Variants in CTNNA2 observed in about 807,000 individuals in gnomAD.
CTNNA2 encodes catenin alpha-2.
Under a neutral mutation model 101.0 loss-of-function variants are expected in CTNNA2, and 42 were observed. The observed-to-expected ratio is 0.42, with a 90% CI of 0.32 to 0.54. The LOEUF (loss-of-function observed/expected upper bound fraction) is 0.54, where lower values mean the gene tolerates loss of function less well. Ranked by LOEUF, CTNNA2 falls within the 20% of genes least tolerant of loss-of-function variation. The pLI is 0.14. For synonymous variants in CTNNA2, 450 were observed against 456.4 expected, an observed-to-expected ratio of 0.99 and a Z score of 0.18; for missense variants, 871 against 1,223.1, an observed-to-expected ratio of 0.71 and a Z score of 4.29.
At chr2:80,428,114 G>A (rs1681159908) in intron 9 of CTNNA2, among the ~76,000 whole-genome samples, 1 of 152,142 alleles carries the variant, frequency 6.6e-6, no homozygotes, top group South Asian at 2.1e-4. Flanking sequence ...AAAAAAACAA[G>A]TCCAAAGACC....
intron 4 of CTNNA2, among the ~76,000 whole-genome samples, chr2:79,407,854 A>T (rs760179648): frequency 6.6e-6 from 1 of 152,062 alleles, no homozygotes; most frequent in East Asian, 1.9e-4. Context: ...TGGCCTAACA[A>T]AAGTATGCCA....
chr2:80,492,639 T>C (rs1687152314), intron 9 of CTNNA2, among the ~76,000 whole-genome samples: 1 of 152,184 alleles, frequency 6.6e-6, no homozygotes, highest in Non-Finnish European at 1.5e-5. Context: ...TTCTTTGTCC[T>C]CCCTTAGTTG....
intron 9 of CTNNA2, among the ~76,000 whole-genome samples, chr2:80,430,770 T>C (rs1681421209): frequency 2.0e-5 from 3 of 152,222 alleles, no homozygotes; most frequent in Admixed American, 2.0e-4. Context: ...GTAGAAAATA[T>C]TTGGTCTTTT....
At chr2:80,211,601 G>A (rs1486523331) in intron 7 of CTNNA2, among the ~76,000 whole-genome samples, 1 of 152,142 alleles carries the variant, frequency 6.6e-6, no homozygotes, top group Non-Finnish European at 1.5e-5. Flanking sequence ...CCAGGACCAT[G>A]CTATTTTGGT....
At chr2:80,633,818 A>G (rs567435183) in intron 18 of CTNNA2, among the ~76,000 whole-genome samples, 25 of 152,292 alleles carry the variant, frequency 1.6e-4, no homozygotes, top group Admixed American at 5.2e-4. Context: ...TGGTGCTATT[A>G]ATGGAGGAGA....
chr2:80,179,774 G>T (rs577886967), intron 7 of CTNNA2, among the ~76,000 whole-genome samples: 8 of 152,248 alleles, frequency 5.3e-5, no homozygotes, highest in Admixed American at 1.3e-4. Flanking sequence ...ATCTTTCTAG[G>T]TAGAGGCAGC....
intron 2 of CTNNA2, among the ~76,000 whole-genome samples, chr2:79,204,470 G>T (rs1218800091): frequency 6.6e-6 from 1 of 152,078 alleles, no homozygotes; most frequent in Non-Finnish European, 1.5e-5. Flanking sequence ...TATACTACCA[G>T]CAATTATTCT....
intron 7 of CTNNA2, among the ~76,000 whole-genome samples, chr2:80,290,472 GA>G (rs2149177602): frequency 6.6e-6 from 1 of 152,124 alleles, no homozygotes; most frequent in African/African-American, 2.4e-5. Context: ...TGAGGTTGGT[GA>G]GGCTCCCGTG....
intron 7 of CTNNA2, among the ~76,000 whole-genome samples, chr2:80,210,894 TA>T (rs1707846674): frequency 6.6e-6 from 1 of 152,212 alleles, no homozygotes; most frequent in South Asian, 2.1e-4. Flanking sequence ...CCTGACTTTT[TA>T]ATAATCGCCA....
intron 7 of CTNNA2, among the ~76,000 whole-genome samples, chr2:80,325,448 G>A (rs7562775): frequency 1.9e-4 from 29 of 152,158 alleles, no homozygotes; most frequent in African/African-American, 5.8e-4. Context: ...AAAACTACTT[G>A]CCATTCTAAA....
At chr2:79,469,434 G>A (rs1348681318) in intron 4 of CTNNA2, among the ~76,000 whole-genome samples, 5 of 152,142 alleles carry the variant, frequency 3.3e-5, no homozygotes, top group African/African-American at 1.2e-4. Flanking sequence ...ATTCACAGCC[G>A]AATTCTACCA....
chr2:79,526,296 A>G (rs1220936046), intron 1 of CTNNA2, among the ~76,000 whole-genome samples: 2 of 152,038 alleles, frequency 1.3e-5, no homozygotes, highest in African/African-American at 4.8e-5. Flanking sequence ...GCAAATACTT[A>G]GTGAAGATAC....
At chr2:79,216,959 A>T (rs974392222) in intron 2 of CTNNA2, among the ~76,000 whole-genome samples, 27 of 152,278 alleles carry the variant, frequency 1.8e-4, no homozygotes, top group Non-Finnish European at 3.4e-4. Context: ...ACACCAAGGG[A>T]AGGCTGCCTT....
chr2:80,166,815 G>A (rs944991198), intron 7 of CTNNA2, among the ~76,000 whole-genome samples: 1 of 152,124 alleles, frequency 6.6e-6, no homozygotes, highest in Non-Finnish European at 1.5e-5. Flanking sequence ...GGGACACTCA[G>A]TTGGTGTCTG....
intron 2 of CTNNA2, among the ~76,000 whole-genome samples, chr2:79,273,478 C>A (rs892600983): frequency 6.6e-6 from 1 of 152,014 alleles, no homozygotes; most frequent in African/African-American, 2.4e-5. Context: ...CTATTTATAG[C>A]ATTCTGTTTT....
At chr2:79,232,246 A>C (rs1674502281) in intron 2 of CTNNA2, among the ~76,000 whole-genome samples, 1 of 152,080 alleles carries the variant, frequency 6.6e-6, no homozygotes, top group Non-Finnish European at 1.5e-5. Context: ...TGCCTAATTG[A>C]TTTAGGATTT....
At chr2:79,187,192 C>G (rs1183775746) in intron 1 of CTNNA2, among the ~76,000 whole-genome samples, 2 of 151,212 alleles carry the variant, frequency 1.3e-5, no homozygotes, top group African/African-American at 2.4e-5. Context: ...AGAAAAAAAT[C>G]TTAACACTGT....
chr2:79,813,666 G>T (rs1056278222), intron 3 of CTNNA2, among the ~76,000 whole-genome samples: 25 of 152,218 alleles, frequency 1.6e-4, no homozygotes, highest in Non-Finnish European at 3.1e-4. Flanking sequence ...TGACATTCGG[G>T]TTATAATTTA....
chr2:80,107,568 A>G (rs779151667), intron 7 of CTNNA2, among the ~76,000 whole-genome samples: 1 of 152,138 alleles, frequency 6.6e-6, no homozygotes, highest in Non-Finnish European at 1.5e-5. Context: ...CTGCCTCACC[A>G]TCCTTCAAGT....
Sources: allele counts gnomAD v4.1 joint callset (sites outside exome capture counted in the v4.1 genomes callset), GRCh38; gene constraint gnomAD v4.1.1; transcripts MANE v1.5; gene names NCBI Gene and HGNC (gene_info 2026-07-23, HGNC 2026-07-21).